PDIA6: variants seen among roughly 807,000 people sequenced by gnomAD.
The protein encoded by PDIA6 is protein disulfide-isomerase A6.
In PDIA6, 29 loss-of-function variants were observed where a neutral mutation model predicts 58.4. The ratio of observed to expected loss-of-function variants is 0.50; its 90% CI spans 0.37 to 0.68. PDIA6 has a LOEUF of 0.68. Ranked by LOEUF, PDIA6 falls within the 30% of genes least tolerant of loss-of-function variation. The probability of loss-of-function intolerance (pLI) is 0.00; values close to 1 mark genes in which losing one functional copy is unlikely to be tolerated. For missense variants in PDIA6, 480 were observed against 551.0 expected (o/e 0.87, Z 1.29); for synonymous variants, 192 against 202.6 (o/e 0.95, Z 0.44).
At chr2:10,806,733 G>A (rs1037288646) in intron 1 of PDIA6, among the ~76,000 whole-genome samples, 1 of 151,810 alleles carries the variant, frequency 6.6e-6, no homozygotes, top group Non-Finnish European at 1.5e-5. Context: ...CTGCATTCAC[G>A]GTAAATGTCC....
chr2:10,814,184 G>A (rs1247610872), upstream of PDIA6, among the ~76,000 whole-genome samples: 1 of 152,172 alleles, frequency 6.6e-6, no homozygotes, highest in African/African-American at 2.4e-5. Context: ...AGGGGTCCAG[G>A]AGTGGTGGGG....
At chr2:10,837,704 T>G in exon 1 of PDIA6, 1 of 1,493,308 alleles carries the variant, frequency 6.7e-7, no homozygotes, top group South Asian at 1.3e-5. Context: ...CAGCCTGGTG[T>G]GCAAGTTCAT....
At chr2:10,789,203 T>A (rs371257700) in intron 8 of PDIA6, among the ~76,000 whole-genome samples, 1 of 152,184 alleles carries the variant, frequency 6.6e-6, no homozygotes, top group Non-Finnish European at 1.5e-5. Context: ...GTGGGGTGAT[T>A]AGCACACATA....
chr2:10,802,534 ACT>A lies in PDIA6; in HGVS notation c.124_125del (p.Ser42Ter), dbSNP rs1008509770. On this transcript the variant is annotated frameshift_variant, in exon 2 of 13. Transcript: ENST00000272227. LOFTEE classifies it high-confidence loss of function. Reference sequence around the variant, plus strand: ...AGAATTCTACAAGCCACAAACTATCACTCTGAATAACTTCTCGGTTGAAATTC... The same window carrying A: ...AGAATTCTACAAGCCACAAACTATCACTGAATAACTTCTCGGTTGAAATTC... ...PSNFNREVIQ[S>X]DSLWLVEFYA... The A allele has an allele frequency of 2.7e-6, 4 of 1,464,610 alleles. No individual in the cohort carries two copies. The African/African-American group carries it at 5.8e-5, about 21-fold the overall frequency. 90.7% of individuals were successfully genotyped at this position (1,464,610 alleles called of 1,614,324 possible). A position where few individuals can be genotyped will look rare whatever the true frequency, so the allele number is the denominator to read the frequency against.
Position 10,784,220 on chromosome 2 carries a change from C to CAAGAA in PDIA6, c.*33_*37dup, listed in dbSNP as rs1214435021. ...ACTGCTGGAAAAATCCACTGGCTCC[C>CAAGAA]AAGAAAAGAAAATGGTCTGAAGCCT... On this transcript the variant is annotated 3_prime_UTR_variant, in exon 13 of 13. Transcript: ENST00000272227. The CAAGAA allele has an allele frequency of 6.4e-7, 1 of 1,557,092 alleles. No homozygotes were observed. Among genetic ancestry groups the CAAGAA allele is most frequent in the Admixed American group, 1.8e-5 (1 of 55,420 alleles).
At chr2:10,835,441 C>T (rs1394887116), upstream of PDIA6, among the ~76,000 whole-genome samples, 1 of 152,104 alleles carries the variant, frequency 6.6e-6, no homozygotes, top group Non-Finnish European at 1.5e-5. Flanking sequence ...GTGCGGCCTC[C>T]GGGGAAGCCC....
chr2:10,830,759 C>T (rs990266916), intron 1 of PDIA6, among the ~76,000 whole-genome samples: 6 of 152,210 alleles, frequency 3.9e-5, no homozygotes, highest in Non-Finnish European at 5.9e-5. Flanking sequence ...TCACCCCCTG[C>T]GCGGGCGTGG....
chr2:10,818,909 C>A (rs1336098075), intron 2 of PDIA6, among the ~76,000 whole-genome samples: 3 of 152,062 alleles, frequency 2.0e-5, no homozygotes, highest in Admixed American at 1.3e-4. Context: ...TTTTATCACC[C>A]CAAACTGAAA....
intron 1 of PDIA6, chr2:10,810,108 CT>C (rs1393057029): frequency 1.6e-5 from 10 of 614,300 alleles, no homozygotes; most frequent in Admixed American, 2.7e-5. Context: ...AACAGTAACA[CT>C]TGCGTGACTC....
At chr2:10,823,965 C>T (rs911051328) in intron 1 of PDIA6, among the ~76,000 whole-genome samples, 1 of 152,140 alleles carries the variant, frequency 6.6e-6, no homozygotes, top group Non-Finnish European at 1.5e-5. Context: ...CAGCTTTAAG[C>T]TTCCCATGGG....
At chr2:10,823,182 A>G (rs2148577778) in intron 1 of PDIA6, 1 of 152,340 alleles carries the variant, frequency 6.6e-6, no homozygotes, top group African/African-American at 2.4e-5. Context: ...CCAAGGGACA[A>G]ATCCCAAGGG....
chr2:10,791,348 G>A (rs1335411095), intron 6 of PDIA6, among the ~76,000 whole-genome samples: 2 of 152,046 alleles, frequency 1.3e-5, no homozygotes. Flanking sequence ...GTTTTGCTAT[G>A]TTGCCCAGGC....
At chr2:10,800,689 C>T (rs1308839739) in intron 2 of PDIA6, among the ~76,000 whole-genome samples, 1 of 151,772 alleles carries the variant, frequency 6.6e-6, no homozygotes, top group Non-Finnish European at 1.5e-5. Flanking sequence ...CAGCTTCTAC[C>T]TCACAGGCTC....
chr2:10,795,391 G>T (rs1460288009), intron 4 of PDIA6, among the ~76,000 whole-genome samples: 1 of 152,122 alleles, frequency 6.6e-6, no homozygotes, highest in Non-Finnish European at 1.5e-5. Flanking sequence ...AGGCAGAAAA[G>T]CAGGTGTTTA....
At chr2:10,826,296 T>A (rs1321456114) in intron 1 of PDIA6, among the ~76,000 whole-genome samples, 1 of 152,198 alleles carries the variant, frequency 6.6e-6, no homozygotes, top group Non-Finnish European at 1.5e-5. Context: ...GGTTTGTGGC[T>A]GTCTAGGGCT....
chr2:10,818,547 G>A (rs1477844316), intron 2 of PDIA6, among the ~76,000 whole-genome samples: 1 of 147,120 alleles, frequency 6.8e-6, no homozygotes, highest in African/African-American at 2.5e-5. Flanking sequence ...TTGAGATGGA[G>A]TTTTGCTCTT....
At chr2:10,811,566 C>T (rs1023963470) in intron 1 of PDIA6, among the ~76,000 whole-genome samples, 2 of 152,140 alleles carry the variant, frequency 1.3e-5, no homozygotes, top group Non-Finnish European at 2.9e-5. Context: ...ATTATCAGTC[C>T]CTAAAATGGT....
intron 1 of PDIA6, among the ~76,000 whole-genome samples, chr2:10,810,842 T>C (rs1368135281): frequency 6.6e-6 from 1 of 152,058 alleles, no homozygotes; most frequent in African/African-American, 2.4e-5. Context: ...CCAATGACGT[T>C]CTGTTTCTAA....
intron 1 of PDIA6, among the ~76,000 whole-genome samples, chr2:10,809,676 A>C (rs1181189737): frequency 2.8e-5 from 4 of 145,158 alleles, no homozygotes; most frequent in Non-Finnish European, 4.6e-5. Flanking sequence ...AAAAAAACCC[A>C]AAAAATAGGA....
Sources: allele counts gnomAD v4.1 joint callset (sites outside exome capture counted in the v4.1 genomes callset), GRCh38; gene constraint gnomAD v4.1.1; transcripts MANE v1.5; gene names NCBI Gene and HGNC (gene_info 2026-07-23, HGNC 2026-07-21).